Variants in PTPRN2 observed in about 807,000 individuals in gnomAD.
PTPRN2 encodes receptor-type tyrosine-protein phosphatase N2.
A neutral mutation model predicts 118.8 loss-of-function variants in PTPRN2; 74 were observed. The observed-to-expected ratio is 0.62, with a 90% CI of 0.52 to 0.76. The LOEUF is 0.76. Ranked by LOEUF, PTPRN2 falls within the 30% of genes least tolerant of loss-of-function variation. The pLI, the probability that PTPRN2 is intolerant of heterozygous loss-of-function variation, is 0.00. For missense variants in PTPRN2, 1,481 were observed against 1,394.4 expected (o/e 1.06, Z -0.99); for synonymous variants, 641 against 608.0 (o/e 1.05, Z -0.80).
At chr7:157,812,718 C>A (rs1213976235) in intron 12 of PTPRN2, among the ~76,000 whole-genome samples, 1 of 152,126 alleles carries the variant, frequency 6.6e-6, no homozygotes, top group Non-Finnish European at 1.5e-5. Flanking sequence ...TTCCATTTAA[C>A]TTCCATTTAA....
At chr7:157,750,393 G>C (rs1612145) in intron 12 of PTPRN2, among the ~76,000 whole-genome samples, 17,483 of 152,148 alleles carry the variant, frequency 0.11, 1,213 homozygotes, top group Admixed American at 0.21. Flanking sequence ...AGGATGAGCT[G>C]CTACTACTGC....
At chr7:158,171,316 T>TATATATATATATATATATACATAC (rs1823663561) in intron 5 of PTPRN2, among the ~76,000 whole-genome samples, 1 of 92,062 alleles carries the variant, frequency 1.1e-5, no homozygotes, top group African/African-American at 4.7e-5. Flanking sequence ...CACATATATA[T>TATATATATATATATATATACATAC]ATATATATAT....
rs892539555 is a variant in PTPRN2 at position 157,953,135 on chromosome 7, A to T, written c.1724-54398T>A. 1.3e-5 allele frequency among the ~76,000 whole-genome samples: 2 copies of T among 152,206 alleles called. No homozygotes were observed. Among genetic ancestry groups the T allele is most frequent in the Admixed American group, 6.5e-5 (1 of 15,290 alleles). ...GAGCCCTCTGGCTCGAGAAGTCCTC[A>T]GCGACATCTGGGGGTCCTGTGCATG... On this transcript the variant is annotated intron_variant, in intron 11 of 22. Coordinates refer to ENST00000389418, the MANE Select transcript of PTPRN2 (RefSeq NM_002847.5). The surrounding 1 kb of genome is among the most constrained non-coding windows in gnomAD (Gnocchi z 4.6).
In PTPRN2 at chr7:157,763,818, G is replaced by C. The variant is rs1802289031; in HGVS notation, c.1789-80881C>G. On this transcript the variant is annotated intron_variant, in intron 12 of 22. Transcript: ENST00000389418. The surrounding 1 kb of genome is among the most constrained non-coding windows in gnomAD (Gnocchi z 4.9). ...CACCGGGCAGGGTTAGGGGCTGCTG[G>C]GCCTCTGCTGTGTGGCCACTGCCCC... 6.6e-6 allele frequency among the ~76,000 whole-genome samples: 1 copy of C among 152,042 alleles called. No individual in the cohort carries two copies. Among genetic ancestry groups the C allele is most frequent in the Non-Finnish European group, 1.5e-5 (1 of 68,022 alleles).
chr7:157,927,053 G>C (rs866207051), intron 11 of PTPRN2, among the ~76,000 whole-genome samples: 16 of 99,862 alleles, frequency 1.6e-4, no homozygotes, highest in Non-Finnish European at 2.2e-4. Context: ...ACCCGTCTGA[G>C]AGCAGAGGCC....
chr7:157,594,655 A>C (rs1337818127), intron 17 of PTPRN2, among the ~76,000 whole-genome samples: 1 of 152,160 alleles, frequency 6.6e-6, no homozygotes, highest in Non-Finnish European at 1.5e-5. Flanking sequence ...ACCCATTCCT[A>C]TTCAGCTTTG....
intron 2 of PTPRN2, among the ~76,000 whole-genome samples, chr7:158,421,632 C>T (rs1431463518): frequency 6.6e-6 from 1 of 152,134 alleles, no homozygotes; most frequent in Non-Finnish European, 1.5e-5. Context: ...TGCTCAAAAA[C>T]ATGTTTGATT....
Position 158,360,110 on chromosome 7 carries a change from C to A in PTPRN2, c.164-43178G>T, listed in dbSNP as rs865943397. 2.1e-3 allele frequency among the ~76,000 whole-genome samples: 198 copies of A among 92,944 alleles called. 17 individuals carry two copies. Among genetic ancestry groups the A allele is most frequent in the African/African-American group, 7.0e-3 (151 of 21,704 alleles). The allele number at this position is 92,944 out of a possible 152,430, so 61.0% of individuals were successfully genotyped here. A position where few individuals can be genotyped will look rare whatever the true frequency, so the allele number is the denominator to read the frequency against. Reference sequence around the variant, plus strand: ...CACCCAGGATGACGCACAGACCCCACATCCACCCTCACCCAGGACGACGCA... The same window carrying A: ...CACCCAGGATGACGCACAGACCCCAAATCCACCCTCACCCAGGACGACGCA... On this transcript the variant is annotated intron_variant, in intron 2 of 22. Transcript: ENST00000389418.
chr7:158,524,828 C>T (rs1824647868), intron 1 of PTPRN2, among the ~76,000 whole-genome samples: 1 of 152,190 alleles, frequency 6.6e-6, no homozygotes, highest in Non-Finnish European at 1.5e-5. Context: ...CTTCTGTACA[C>T]TTGGCTTTCA....
At chr7:158,334,090 T>A (rs1412103097) in intron 2 of PTPRN2, among the ~76,000 whole-genome samples, 2 of 83,546 alleles carry the variant, frequency 2.4e-5, no homozygotes, top group African/African-American at 8.6e-5. Flanking sequence ...ACTCTCACCA[T>A]AAGAGGTGAC....
chr7:158,296,853 G>T (rs1800537399), intron 3 of PTPRN2, among the ~76,000 whole-genome samples: 1 of 152,222 alleles, frequency 6.6e-6, no homozygotes, highest in African/African-American at 2.4e-5. Flanking sequence ...TGTAGGCTGT[G>T]GTCACAGAGG....
In PTPRN2 at chr7:158,504,777, A is replaced by G. The variant is rs572106887; in HGVS notation, c.113-14992T>C. On this transcript the variant is annotated intron_variant, in intron 1 of 22. Coordinates refer to ENST00000389418, the MANE Select transcript of PTPRN2 (RefSeq NM_002847.5). ...ACACATGCACATCATCTAGCTAACC[A>G]ATTCCCTCTTGAAGAAACTTTACAT... Among the ~76,000 whole-genome samples, 3 of 152,336 alleles carry G rather than the reference A, an allele frequency of 2.0e-5. No individual in the cohort carries two copies. The South Asian group carries it at 6.2e-4, about 32-fold the overall frequency.
chr7:157,720,889 C>T (rs147622469), intron 12 of PTPRN2, among the ~76,000 whole-genome samples: 1,606 of 152,266 alleles, frequency 0.011, 64 homozygotes, highest in Admixed American at 0.071. Context: ...AAACACGGGA[C>T]GCAGGAGTGT....
intron 12 of PTPRN2, among the ~76,000 whole-genome samples, chr7:157,834,506 ATT>A (rs1807802211): frequency 6.9e-6 from 1 of 144,212 alleles, no homozygotes; most frequent in Admixed American, 6.8e-5. Flanking sequence ...CAATCCATCA[ATT>A]CCACCCACCA....
intron 11 of PTPRN2, among the ~76,000 whole-genome samples, chr7:157,991,793 T>G (rs573962999): frequency 6.7e-6 from 1 of 148,920 alleles, no homozygotes; most frequent in Non-Finnish European, 1.5e-5. Flanking sequence ...AGAGTGAGAT[T>G]AGACCCTCCC....
intron 12 of PTPRN2, among the ~76,000 whole-genome samples, chr7:157,750,149 C>T (rs550645377): frequency 1.4e-4 from 22 of 152,096 alleles, no homozygotes; most frequent in African/African-American, 2.9e-4. Context: ...GATCCTTCTT[C>T]GTAATGTGTA....
intron 3 of PTPRN2, among the ~76,000 whole-genome samples, chr7:158,243,369 A>C (rs906063279): frequency 6.6e-6 from 1 of 152,204 alleles, no homozygotes; most frequent in Admixed American, 6.5e-5. Flanking sequence ...CTCTTGCCCA[A>C]CCCTAGTAAA....
intron 6 of PTPRN2, among the ~76,000 whole-genome samples, chr7:158,150,764 C>A (rs891512091): frequency 6.6e-6 from 1 of 151,866 alleles, no homozygotes; most frequent in Admixed American, 6.6e-5. Flanking sequence ...TGAGACGCTG[C>A]GTATCTGCAG....
intron 2 of PTPRN2, among the ~76,000 whole-genome samples, chr7:158,480,872 G>A (rs1285982539): frequency 6.6e-6 from 1 of 152,256 alleles, no homozygotes; most frequent in Non-Finnish European, 1.5e-5. Flanking sequence ...TGGTTCATGA[G>A]GTTGAAGGAA....
Sources: gnomAD v4.1 joint callset for allele counts (sites outside exome capture counted in the v4.1 genomes callset) on GRCh38, gnomAD v4.1.1 for gene constraint, Gnocchi (gnomAD v3.1) non-coding constraint, MANE v1.5 for transcripts, NCBI Gene and HGNC (gene_info 2026-07-23, HGNC 2026-07-21) for gene names.